SYNDIG1L: variants seen among roughly 807,000 people sequenced by gnomAD.
SYNDIG1L encodes synapse differentiation-inducing gene protein 1-like.
A neutral mutation model predicts 20.1 loss-of-function variants in SYNDIG1L; 13 were observed. That is an observed-to-expected ratio of 0.65 (90% CI 0.42 to 1.03). The LOEUF (loss-of-function observed/expected upper bound fraction) is 1.03. Among genes scored for constraint, SYNDIG1L ranks in the 50% least tolerant of loss-of-function variants. The probability of loss-of-function intolerance (pLI) is 0.00; values close to 1 mark genes in which losing one functional copy is unlikely to be tolerated. For missense variants in SYNDIG1L, 294 were observed against 305.1 expected (o/e 0.96, Z 0.27); for synonymous variants, 128 against 129.3 (o/e 0.99, Z 0.07).
Position 74,406,156 on chromosome 14 carries a change from G to A in SYNDIG1L, c.*1379C>T. ...CATTGGTGCTGCCCCCCGCCTACCTGGAGATGTCTCTAAAATTCTGGATGT... is the reference window on the plus strand; with the variant it reads ...CATTGGTGCTGCCCCCCGCCTACCTAGAGATGTCTCTAAAATTCTGGATGT... On this transcript the variant is annotated 3_prime_UTR_variant, in exon 4 of 4. Transcript: ENST00000331628. The A allele has an allele frequency of 2.5e-6, 1 of 398,834 alleles. No homozygotes were observed. The highest frequency in any genetic ancestry group is 4.4e-5 in the Admixed American group (1 of 22,714). 24.7% of individuals were successfully genotyped at this position (398,834 alleles called of 1,614,324 possible).
chr14:74,476,231 G>A, the SYNDIG1L span: 1,378 of 593,302 alleles, frequency 2.3e-3, 17 homozygotes, highest in African/African-American at 0.022. Context: ...CCAGCGCTGA[G>A]AACAGTCTGC....
Position 74,409,595 on chromosome 14 carries a change from T to C in SYNDIG1L, c.150A>G (p.Gly50=), listed in dbSNP as rs1420482676. ...ACCCTGGGTCCAGGAGCTGGTGGGC[T>C]CCGGCAGGCCCAGCGCCACCTAGGA... ...SYLLGGAGPA[G]AHQLLDPGSL... Residue 50 remains glycine (G), a synonymous_variant, in exon 2 of 4, where the codon GGA becomes GGG. Coordinates refer to ENST00000331628, the MANE Select transcript of SYNDIG1L (RefSeq NM_001105579.2). 2.0e-6 allele frequency: 3 copies of C among 1,507,284 alleles called. No individual in the cohort carries two copies. The highest frequency in any genetic ancestry group is 1.4e-5 in the South Asian group (1 of 73,620). 93.4% of individuals were successfully genotyped at this position (1,507,284 alleles called of 1,614,324 possible).
the SYNDIG1L span, among the ~76,000 whole-genome samples, chr14:74,454,604 C>G: frequency 1.3e-5 from 2 of 152,216 alleles, no homozygotes; most frequent in Non-Finnish European, 2.9e-5. Flanking sequence ...TTTATTGTTC[C>G]CCTTTCAGGG....
chr14:74,433,584 C>T, the SYNDIG1L span, among the ~76,000 whole-genome samples: 44 of 152,190 alleles, frequency 2.9e-4, no homozygotes, highest in African/African-American at 8.7e-4. Context: ...GGTGTTTCAC[C>T]GTGTTGCCCA....
chr14:74,422,242 G>C (rs901639681), intron 1 of SYNDIG1L, among the ~76,000 whole-genome samples: 11 of 152,096 alleles, frequency 7.2e-5, no homozygotes, highest in Non-Finnish European at 1.5e-4. Context: ...GGCAGCTGCA[G>C]GGAGGAAGGA....
At chr14:74,415,372 G>A (rs1312273859) in intron 1 of SYNDIG1L, among the ~76,000 whole-genome samples, 1 of 152,068 alleles carries the variant, frequency 6.6e-6, no homozygotes, top group Non-Finnish European at 1.5e-5. Context: ...TTACCCTAAC[G>A]GTTTATGATT....
At chr14:74,458,471 A>G in the SYNDIG1L span, among the ~76,000 whole-genome samples, 1 of 151,790 alleles carries the variant, frequency 6.6e-6, no homozygotes, top group African/African-American at 2.4e-5. Flanking sequence ...AAAATACAAA[A>G]ATTAGCTGGG....
At position 74,409,583 on chromosome 14, in the gene SYNDIG1L, G is replaced by A; in HGVS notation, c.162C>T (p.Leu54=). The A allele has an allele frequency of 6.6e-7, 1 of 1,511,992 alleles. No individual in the cohort carries two copies. The allele number at this position is 1,511,992 out of a possible 1,614,324, so 93.7% of individuals were successfully genotyped here. A position where few individuals can be genotyped will look rare whatever the true frequency, so the allele number is the denominator to read the frequency against. ...CCAGCTGCAGGGACCCTGGGTCCAG[G>A]AGCTGGTGGGCTCCGGCAGGCCCAG... ...GGAGPAGAHQ[L]LDPGSLQLAV... is the part of the protein sequence containing the mutation. Residue 54 remains leucine (L), a synonymous_variant, in exon 2 of 4, where the codon CTC becomes CTT. Transcript: ENST00000331628.
At chr14:74,457,059 T>C in the SYNDIG1L span, among the ~76,000 whole-genome samples, 1 of 152,326 alleles carries the variant, frequency 6.6e-6, no homozygotes, top group South Asian at 2.1e-4. Flanking sequence ...ATGCTAAGCA[T>C]CTGGGGCCAG....
the SYNDIG1L span, chr14:74,476,456 C>T: frequency 3.0e-6 from 4 of 1,351,774 alleles, no homozygotes; most frequent in Non-Finnish European, 4.1e-6. Flanking sequence ...TCTCCAAGCC[C>T]CTGCAGGTGA....
chr14:74,437,910 G>A, the SYNDIG1L span, among the ~76,000 whole-genome samples: 1 of 152,138 alleles, frequency 6.6e-6, no homozygotes, highest in African/African-American at 2.4e-5. Flanking sequence ...CTTTAGCCAC[G>A]TTCTTCTGCC....
At chr14:74,425,667 G>A (rs1037471904) in intron 1 of SYNDIG1L, among the ~76,000 whole-genome samples, 1 of 152,188 alleles carries the variant, frequency 6.6e-6, no homozygotes, top group African/African-American at 2.4e-5. Flanking sequence ...CTGAGGTCAG[G>A]GTCAAGGCCT....
Position 74,409,789 on chromosome 14 carries a change from C to A in SYNDIG1L, c.-45G>T, listed in dbSNP as rs1395628223. The A allele has an allele frequency of 7.1e-7, 1 of 1,412,900 alleles. No homozygotes were observed. The highest frequency in any genetic ancestry group is 1.4e-5 in the African/African-American group (1 of 69,282). 87.5% of individuals were successfully genotyped at this position (1,412,900 alleles called of 1,614,324 possible). A position where few individuals can be genotyped will look rare whatever the true frequency, so the allele number is the denominator to read the frequency against. ...GGGAGGGGGGCCTGGGCCAGCTGAG[C>A]AGTCCTCAGAGCCTGTCAGAAGAGC... On this transcript the variant is annotated 5_prime_UTR_variant, in exon 2 of 4. Coordinates refer to ENST00000331628, the MANE Select transcript of SYNDIG1L (RefSeq NM_001105579.2).
chr14:74,466,669 T>G, the SYNDIG1L span, among the ~76,000 whole-genome samples: 17,706 of 152,018 alleles, frequency 0.12, 2,156 homozygotes, highest in African/African-American at 0.3. Context: ...GCTCCACAGG[T>G]CTCCCCTCCC....
At chr14:74,437,117 G>GA in the SYNDIG1L span, among the ~76,000 whole-genome samples, 1 of 152,166 alleles carries the variant, frequency 6.6e-6, no homozygotes, top group African/African-American at 2.4e-5. Context: ...GATGTTTGCT[G>GA]AATAAAGAAA....
chr14:74,413,877 G>A (rs2086153469), intron 1 of SYNDIG1L, among the ~76,000 whole-genome samples: 1 of 152,070 alleles, frequency 6.6e-6, no homozygotes. Flanking sequence ...TCACAGTCCA[G>A]CCAAGGGTCA....
chr14:74,451,486 GA>G, the SYNDIG1L span, among the ~76,000 whole-genome samples: 2 of 152,002 alleles, frequency 1.3e-5, no homozygotes, highest in African/African-American at 4.8e-5. Context: ...GATGACATTG[GA>G]AAAAAATCTT....
chr14:74,420,387 T>C (rs2086212002), intron 1 of SYNDIG1L, among the ~76,000 whole-genome samples: 2 of 112,094 alleles, frequency 1.8e-5, no homozygotes, highest in African/African-American at 3.8e-5. Flanking sequence ...AGTGAGACTC[T>C]GTCAAAAAAA....
the SYNDIG1L span, among the ~76,000 whole-genome samples, chr14:74,453,375 AAAAAAAAAAAAAAAAAG>A: frequency 0.2 from 22,665 of 111,952 alleles, 3,153 homozygotes; most frequent in Non-Finnish European, 0.25. Flanking sequence ...AAAAAAAAAA[AAAAAAAAAAAAAAAAAG>A]AAGAAGAAGA....
Sources: allele counts gnomAD v4.1 joint callset (sites outside exome capture counted in the v4.1 genomes callset), GRCh38; gene constraint gnomAD v4.1.1; transcripts MANE v1.5; gene names NCBI Gene and HGNC (gene_info 2026-07-23, HGNC 2026-07-21).